The following SMAD9 variants were observed in gnomAD, a reference collection of about 807,000 sequenced individuals.
SMAD9 encodes SMAD family member 9, also known as MAD homolog 9.
SMAD9 carries 36 observed loss-of-function variants against 46.1 expected under a neutral mutation model. The ratio of observed to expected loss-of-function variants is 0.78; its 90% CI spans 0.60 to 1.03. The LOEUF is 1.03. Among genes scored for constraint, SMAD9 ranks in the 50% least tolerant of loss-of-function variants. The probability of loss-of-function intolerance (pLI) is 0.00; values close to 1 mark genes in which losing one functional copy is unlikely to be tolerated. For missense variants in SMAD9, 572 were observed against 599.8 expected, an observed-to-expected ratio of 0.95 and a Z score of 0.48; for synonymous variants, 245 against 237.1, an observed-to-expected ratio of 1.03 and a Z score of -0.31.
chr13:36,904,080 T>C (rs1017092735), intron 1 of SMAD9, among the ~76,000 whole-genome samples: 9 of 152,214 alleles, frequency 5.9e-5, no homozygotes, highest in Non-Finnish European at 1.2e-4. Flanking sequence ...AATACTGCTA[T>C]GTAAGAGATT....
At chr13:36,876,498 CAG>C (rs896865958) in intron 2 of SMAD9, among the ~76,000 whole-genome samples, 1 of 152,134 alleles carries the variant, frequency 6.6e-6, no homozygotes, top group Non-Finnish European at 1.5e-5. Flanking sequence ...AGCAATTTGA[CAG>C]AGTTTCTAGT....
At chr13:36,905,971 GA>G (rs767938294) in intron 1 of SMAD9, among the ~76,000 whole-genome samples, 4 of 152,112 alleles carry the variant, frequency 2.6e-5, no homozygotes, top group Admixed American at 2.6e-4. Flanking sequence ...GCGCCTGGAC[GA>G]AAATTCTTAT....
chr13:36,861,830 G>T (rs934931344), intron 5 of SMAD9, among the ~76,000 whole-genome samples: 10 of 151,554 alleles, frequency 6.6e-5, no homozygotes, highest in African/African-American at 2.4e-4. Context: ...TCAGGAGGCT[G>T]AGACAGGAGA....
intron 5 of SMAD9, among the ~76,000 whole-genome samples, chr13:36,857,775 T>A (rs1286500354): frequency 2.0e-5 from 3 of 152,134 alleles, no homozygotes. Context: ...AAGATCACCA[T>A]AAAAGGCAGA....
chr13:36,878,880 C>T (rs1182494169), intron 2 of SMAD9, among the ~76,000 whole-genome samples: 2 of 152,106 alleles, frequency 1.3e-5, no homozygotes, highest in Non-Finnish European at 1.5e-5. Flanking sequence ...CAGTTTTCTC[C>T]GATTAGCCAT....
intron 2 of SMAD9, among the ~76,000 whole-genome samples, chr13:36,878,716 C>T (rs1398764769): frequency 1.3e-5 from 2 of 151,960 alleles, no homozygotes; most frequent in Non-Finnish European, 2.9e-5. Context: ...CAGTTTAGTA[C>T]AGTTCAGTTC....
At chr13:36,881,333 C>G (rs553875534) in intron 1 of SMAD9, among the ~76,000 whole-genome samples, 1 of 152,152 alleles carries the variant, frequency 6.6e-6, no homozygotes, top group African/African-American at 2.4e-5. Context: ...ATCTTGGAAT[C>G]GATGTAGCTT....
intron 5 of SMAD9, among the ~76,000 whole-genome samples, chr13:36,856,912 C>G (rs908079436): frequency 1.3e-5 from 2 of 151,076 alleles, no homozygotes; most frequent in Admixed American, 6.6e-5. Flanking sequence ...AAGCGATTCT[C>G]CTGCATCAGC....
intron 1 of SMAD9, among the ~76,000 whole-genome samples, chr13:36,911,813 A>G (rs2058664264): frequency 6.6e-6 from 1 of 152,136 alleles, no homozygotes; most frequent in African/African-American, 2.4e-5. Flanking sequence ...GGTTCAAGCG[A>G]TTCTCCTGCC....
At chr13:36,892,982 GACT>G (rs2058500032) in intron 1 of SMAD9, among the ~76,000 whole-genome samples, 1 of 148,058 alleles carries the variant, frequency 6.8e-6, no homozygotes, top group African/African-American at 2.5e-5. Context: ...TAACTTAATA[GACT>G]TCTTGTAGAA....
At chr13:36,870,147 G>A (rs1187296179) in intron 3 of SMAD9, among the ~76,000 whole-genome samples, 1 of 152,140 alleles carries the variant, frequency 6.6e-6, no homozygotes, top group African/African-American at 2.4e-5. Flanking sequence ...CTGCATCACT[G>A]TTGGTGTCTG....
At chr13:36,863,573 G>A (rs2058204156) in intron 5 of SMAD9, among the ~76,000 whole-genome samples, 1 of 152,168 alleles carries the variant, frequency 6.6e-6, no homozygotes, top group South Asian at 2.1e-4. Context: ...TATTGGAGGT[G>A]GGGCTTGGTG....
chr13:36,852,555 C>T lies in SMAD9; in HGVS notation c.1260+864G>A, dbSNP rs528226354. The stretch of plus-strand genomic sequence containing the variant: ...CGATATGAGAAATTCAACAAATATT[C>T]ATCAACAGAACATATACTGCTCTCT... On this transcript the variant is annotated intron_variant, in intron 6 of 6. Coordinates refer to ENST00000379826, the MANE Select transcript of SMAD9 (RefSeq NM_001127217.3). 1.2e-5 allele frequency: 12 copies of T among 984,838 alleles called. No homozygotes were observed. In the South Asian group the frequency reaches 3.8e-4, roughly 31 times the overall value. The allele number at this position is 984,838 out of a possible 1,614,324, so 61.0% of individuals were successfully genotyped here. A position where few individuals can be genotyped will look rare whatever the true frequency, so the allele number is the denominator to read the frequency against.
chr13:36,873,561 C>A (rs573615498), intron 2 of SMAD9, among the ~76,000 whole-genome samples: 10 of 152,234 alleles, frequency 6.6e-5, no homozygotes, highest in Non-Finnish European at 8.8e-5. Context: ...ATAAAAGTGA[C>A]TAAGTAAAAG....
At chr13:36,874,035 T>C (rs1387313990) in intron 2 of SMAD9, among the ~76,000 whole-genome samples, 1 of 152,192 alleles carries the variant, frequency 6.6e-6, no homozygotes, top group African/African-American at 2.4e-5. Context: ...GGCCCTCACG[T>C]CCTACCGACT....
chr13:36,900,692 C>CACACAG (rs2058567662), intron 1 of SMAD9, among the ~76,000 whole-genome samples: 2 of 98,536 alleles, frequency 2.0e-5, no homozygotes, highest in Admixed American at 2.1e-4. Flanking sequence ...ACTACACACA[C>CACACAG]ACACACACAC....
rs549174179 is a variant in SMAD9 at position 36,882,683 on chromosome 13, A to G, written c.-186-2808T>C. Among the ~76,000 whole-genome samples, 23 of 152,388 alleles carry G rather than the reference A, an allele frequency of 1.5e-4. No individual in the cohort carries two copies. In the South Asian group the frequency reaches 4.6e-3, roughly 30 times the overall value. ...CAATTCATAACAGTGGCCTCCAGGT[A>G]GGCTAGAAATAGATCGAAAAGATTT... is the stretch of plus-strand genomic sequence containing the variant. On this transcript the variant is annotated intron_variant, in intron 1 of 6. Coordinates refer to ENST00000379826, the MANE Select transcript of SMAD9 (RefSeq NM_001127217.3).
chr13:36,860,350 A>G (rs552184635), intron 5 of SMAD9, among the ~76,000 whole-genome samples: 6 of 152,184 alleles, frequency 3.9e-5, no homozygotes, highest in Admixed American at 6.5e-5. Context: ...GGAATATGTG[A>G]TAATTATTTT....
Position 36,848,425 on chromosome 13 carries a change from C to G in SMAD9, c.*251G>C. The G allele has an allele frequency of 1.9e-6, 1 of 528,852 alleles. No individual in the cohort carries two copies. The highest frequency in any genetic ancestry group is 3.4e-6 in the Non-Finnish European group (1 of 294,190). 32.8% of individuals were successfully genotyped at this position (528,852 alleles called of 1,614,324 possible). On this transcript the variant is annotated 3_prime_UTR_variant, in exon 7 of 7. Transcript: ENST00000379826. ...TCAAATACTGTTGACAATATCGCCTCTCAAGTGTTTCCTCCCACAAAATCT... is the reference window on the plus strand; with the variant it reads ...TCAAATACTGTTGACAATATCGCCTGTCAAGTGTTTCCTCCCACAAAATCT...
Sources: allele counts gnomAD v4.1 joint callset (sites outside exome capture counted in the v4.1 genomes callset), GRCh38; gene constraint gnomAD v4.1.1; transcripts MANE v1.5; gene names NCBI Gene and HGNC (gene_info 2026-07-23, HGNC 2026-07-21).